Variants in OPHN1 observed in about 807,000 individuals in gnomAD.
OPHN1 encodes oligophrenin-1.
In OPHN1, 11 loss-of-function variants were observed where a neutral mutation model predicts 60.7. The observed-to-expected ratio is 0.18, with a 90% CI of 0.11 to 0.30. OPHN1 has a LOEUF of 0.30. Among genes scored for constraint, OPHN1 ranks in the 10% least tolerant of loss-of-function variants. The pLI is 1.00. For missense variants in OPHN1, 449 were observed against 611.0 expected, an observed-to-expected ratio of 0.73 and a Z score of 2.80; for synonymous variants, 226 against 222.6, an observed-to-expected ratio of 1.02 and a Z score of -0.14.
intron 2 of OPHN1, among the ~76,000 whole-genome samples, chrX:68,334,975 CAATT>C (rs749126027): frequency 0.034 from 3,738 of 108,817 alleles, 57 homozygotes; most frequent in Middle Eastern, 0.06. Context: ...GACCCTGTCT[CAATT>C]AATTAATTAA....
rs761317951 is a variant in OPHN1 at position 68,119,271 on chromosome X, G to A, written c.1338C>T (p.Thr446=). 5.0e-6 allele frequency: 6 copies of A among 1,202,057 alleles called. No homozygotes were observed. The Admixed American group carries it at 1.1e-4, about 22-fold the overall frequency. ...ACCTGAGGTAGAATTTCAAGGAGCTGGTGATTGTCTTAATGTCCCAGTCAC... is the reference window on the plus strand; with the variant it reads ...ACCTGAGGTAGAATTTCAAGGAGCTAGTGATTGTCTTAATGTCCCAGTCAC... The part of the protein sequence containing the change: ...HNSDWDIKTI[T]SSLKFYLRNL... The change falls in exon 16 of 25, where the codon ACC becomes ACT. Residue 446 remains threonine (T), a synonymous_variant. Coordinates refer to ENST00000355520, the MANE Select transcript of OPHN1 (RefSeq NM_002547.3).
At chrX:68,165,825 GAGTT>G (rs1602204190) in intron 15 of OPHN1, among the ~76,000 whole-genome samples, 1 of 112,210 alleles carries the variant, frequency 8.9e-6, no homozygotes, top group Non-Finnish European at 1.9e-5. Flanking sequence ...TGCCTATATA[GAGTT>G]AGTTATGAAG....
chrX:68,052,049 G>A (rs1352235223), intron 23 of OPHN1, among the ~76,000 whole-genome samples: 1 of 112,272 alleles, frequency 8.9e-6, no homozygotes, highest in Non-Finnish European at 1.9e-5. Flanking sequence ...CAGCACTTTG[G>A]GAGGCTGAGG....
In OPHN1 at chrX:68,186,369, C is replaced by T. The variant is rs756446786; in HGVS notation, c.1276+6550G>A. Among the ~76,000 whole-genome samples, 3 of 109,949 alleles carry T rather than the reference C, an allele frequency of 2.7e-5. No individual in the cohort carries two copies. In the South Asian group the frequency reaches 1.2e-3, roughly 44 times the overall value. ...GGGGGCTCTGGGGATCCTAGTATTA[C>T]CAACAGAAATCAAGAGGGTAAATTG... On this transcript the variant is annotated intron_variant, in intron 15 of 24. Coordinates refer to ENST00000355520, the MANE Select transcript of OPHN1 (RefSeq NM_002547.3).
At chrX:68,059,285 G>A (rs754024388) in intron 21 of OPHN1, among the ~76,000 whole-genome samples, 1 of 111,624 alleles carries the variant, frequency 9.0e-6, no homozygotes, top group East Asian at 2.8e-4. Flanking sequence ...GAGTTCTTGG[G>A]ACCTGATGGT....
At chrX:68,271,665 C>T in intron 5 of OPHN1, among the ~76,000 whole-genome samples, 1 of 111,841 alleles carries the variant, frequency 8.9e-6, no homozygotes, top group Middle Eastern at 4.7e-3. Context: ...AGCAGGCCAA[C>T]AGTGACCAGC....
chrX:68,244,178 C>G (rs1170789881), intron 5 of OPHN1, among the ~76,000 whole-genome samples: 2 of 111,501 alleles, frequency 1.8e-5, no homozygotes, highest in Non-Finnish European at 1.9e-5. Flanking sequence ...GTGCGCTTGC[C>G]ATGACTAGAA....
At chrX:68,296,872 G>C (rs2078098488) in intron 3 of OPHN1, among the ~76,000 whole-genome samples, 1 of 110,460 alleles carries the variant, frequency 9.1e-6, no homozygotes, top group Admixed American at 9.7e-5. Flanking sequence ...ACCCCCACAG[G>C]AACCTGGCAT....
chrX:68,277,750 C>T (rs2077999353), intron 4 of OPHN1, among the ~76,000 whole-genome samples: 1 of 111,866 alleles, frequency 8.9e-6, no homozygotes, highest in East Asian at 2.8e-4. Context: ...AAGACTGTGC[C>T]ACTGCTCTCC....
intron 16 of OPHN1, among the ~76,000 whole-genome samples, chrX:68,118,648 T>C (rs2077137457): frequency 8.9e-6 from 1 of 112,156 alleles, no homozygotes; most frequent in African/African-American, 3.2e-5. Context: ...TTTTGCATAA[T>C]ATAAATTTAT....
At chrX:68,404,318 C>T (rs758474102) in intron 2 of OPHN1, among the ~76,000 whole-genome samples, 62 of 110,136 alleles carry the variant, frequency 5.6e-4, no homozygotes, top group Non-Finnish European at 1.1e-3. Flanking sequence ...CACCACCACA[C>T]CCAGCTAATT....
chrX:68,334,415 G>A (rs1206765893), intron 2 of OPHN1, among the ~76,000 whole-genome samples: 1 of 111,310 alleles, frequency 9.0e-6, no homozygotes, highest in Non-Finnish European at 1.9e-5. Context: ...TTTTGTTGGT[G>A]AGGAGGTGGG....
chrX:68,344,651 G>A (rs1456564918), intron 2 of OPHN1, among the ~76,000 whole-genome samples: 5 of 110,893 alleles, frequency 4.5e-5, no homozygotes, highest in Non-Finnish European at 3.8e-5. Context: ...AAGGAGGGAG[G>A]AGCGCTTGAA....
At chrX:68,136,389 C>T (rs867252017) in intron 15 of OPHN1, among the ~76,000 whole-genome samples, 7 of 103,771 alleles carry the variant, frequency 6.7e-5, no homozygotes, top group Non-Finnish European at 1.2e-4. Flanking sequence ...CTGCAAGCTC[C>T]GCCTCCCAAG....
At chrX:68,224,809 C>G (rs62607133) in intron 6 of OPHN1, among the ~76,000 whole-genome samples, 1 of 112,286 alleles carries the variant, frequency 8.9e-6, no homozygotes, top group Non-Finnish European at 1.9e-5. Context: ...CCAGTGTGAG[C>G]GACACAGAAG....
intron 18 of OPHN1, among the ~76,000 whole-genome samples, chrX:68,103,506 T>C (rs761938698): frequency 9.1e-6 from 1 of 109,381 alleles, no homozygotes; most frequent in East Asian, 2.9e-4. Context: ...CTATTCAACA[T>C]AGTATTGGAA....
At chrX:68,276,174 C>T (rs2077991093) in intron 4 of OPHN1, among the ~76,000 whole-genome samples, 1 of 111,798 alleles carries the variant, frequency 8.9e-6, no homozygotes, top group Non-Finnish European at 1.9e-5. Context: ...CCAAAGTTTG[C>T]TGATTTTTAC....
chrX:68,391,868 G>A (rs1266752601), intron 2 of OPHN1, among the ~76,000 whole-genome samples: 2 of 111,163 alleles, frequency 1.8e-5, no homozygotes, highest in African/African-American at 6.5e-5. Flanking sequence ...AAAATGGCAA[G>A]GAAACAGGTT....
intron 2 of OPHN1, among the ~76,000 whole-genome samples, chrX:68,370,578 G>GT (rs1472066314): frequency 9.0e-6 from 1 of 110,927 alleles, no homozygotes; most frequent in African/African-American, 3.3e-5. Flanking sequence ...TCTGGTAAAG[G>GT]TAACTACACA....
Sources: gnomAD v4.1 joint callset for allele counts (sites outside exome capture counted in the v4.1 genomes callset) on GRCh38, gnomAD v4.1.1 for gene constraint, MANE v1.5 for transcripts, NCBI Gene and HGNC (gene_info 2026-07-23, HGNC 2026-07-21) for gene names.